TACC1: variants seen among roughly 807,000 people sequenced by gnomAD.
The protein encoded by TACC1 is transforming acidic coiled-coil-containing protein 1.
TACC1 carries 48 observed loss-of-function variants against 84.4 expected under a neutral mutation model. The ratio of observed to expected loss-of-function variants is 0.57; its 90% CI spans 0.45 to 0.72. The LOEUF (loss-of-function observed/expected upper bound fraction) is 0.72. TACC1 is among the 30% of genes least tolerant of loss of function. The pLI is 0.00. For synonymous variants in TACC1, 372 were observed against 376.3 expected, an observed-to-expected ratio of 0.99 and a Z score of 0.13; for missense variants, 920 against 973.0, an observed-to-expected ratio of 0.95 and a Z score of 0.72.
At position 38,836,373 on chromosome 8, in the gene TACC1, T is replaced by C. The variant is rs1488794771; in HGVS notation, c.1839+86T>C. On this transcript the variant is annotated intron_variant, in intron 7 of 12. Coordinates refer to ENST00000317827, the MANE Select transcript of TACC1 (RefSeq NM_006283.3). ...GCAGGTAGATTGCATCTCTGCTGGC[T>C]CAAGTTATCACAGGCTGGAAGTTCT... is the stretch of plus-strand genomic sequence containing the variant. 7 of 1,545,682 alleles carry C rather than the reference T, an allele frequency of 4.5e-6. No homozygotes were observed. In the African/African-American group the frequency reaches 8.2e-5, roughly 18 times the overall value.
rs947505294 is a variant in TACC1 at position 38,804,813 on chromosome 8, G to A, written c.278-14709G>A. ...AATCAGGGTCTCCCTGTGTTGTCCA[G>A]GCTGGTCTCAAACTCCTGGGCCCAA... On this transcript the variant is annotated intron_variant, in intron 2 of 12. Coordinates refer to ENST00000317827, the MANE Select transcript of TACC1 (RefSeq NM_006283.3). Among the ~76,000 whole-genome samples the A allele has an allele frequency of 1.1e-4, 17 of 152,244 alleles. No individual in the cohort carries two copies. In the South Asian group the frequency reaches 3.5e-3, roughly 32 times the overall value.
intron 5 of TACC1, 123 bp from the exon 6 acceptor site, chr8:38,831,002 T>C: frequency 1.2e-6 from 1 of 808,326 alleles, no homozygotes; most frequent in Admixed American, 2.6e-5. Context: ...AAATAAAATC[T>C]TAAAATGCTT....
chr8:38,807,040 G>A (rs1190354889), intron 2 of TACC1, among the ~76,000 whole-genome samples: 1 of 152,142 alleles, frequency 6.6e-6, no homozygotes, highest in African/African-American at 2.4e-5. Flanking sequence ...TTGTTATAAA[G>A]GATACAACTC....
rs540525229 is a variant in TACC1, at chr8:38,751,309, T to C, written c.26+5816T>C. On this transcript the variant is annotated intron_variant, in intron 3 of 14. Transcript: ENST00000518415. ...TGAGTATCTTCATCTTAAAATGGGA[T>C]GTGCAGTGTAAGGATTAAGGCAGTA... is the stretch of plus-strand genomic sequence containing the variant. Among the ~76,000 whole-genome samples the C allele has an allele frequency of 1.1e-4, 16 of 152,350 alleles. 1 individual carries two copies. In the South Asian group the frequency reaches 1.4e-3, roughly 14 times the overall value.
intron 3 of TACC1, among the ~76,000 whole-genome samples, chr8:38,746,537 T>C (rs187327198): frequency 6.6e-6 from 1 of 152,360 alleles, no homozygotes; most frequent in Non-Finnish European, 1.5e-5. Flanking sequence ...TGATATCATC[T>C]AACAAGTCTC....
At chr8:38,827,503 A>G in intron 5 of TACC1, 128 bp downstream of exon 5, 2 of 950,988 alleles carry the variant, frequency 2.1e-6, no homozygotes. Context: ...TAGGATGCTG[A>G]CCTATGCTTT....
intron 4 of TACC1, among the ~76,000 whole-genome samples, chr8:38,826,468 AAAT>A (rs1490404534): frequency 6.6e-6 from 1 of 152,254 alleles, no homozygotes; most frequent in Non-Finnish European, 1.5e-5. Context: ...AATATTTTGA[AAAT>A]AAGTTGTGCA....
intron 5 of TACC1, among the ~76,000 whole-genome samples, chr8:38,829,267 T>C (rs1219869344): frequency 1.3e-5 from 2 of 152,190 alleles, no homozygotes; most frequent in Non-Finnish European, 2.9e-5. Flanking sequence ...AGCAATTTAT[T>C]CCCCCTGGCC....
chr8:38,749,747 A>G (rs967915509), intron 3 of TACC1, among the ~76,000 whole-genome samples: 1 of 152,046 alleles, frequency 6.6e-6, no homozygotes, highest in African/African-American at 2.4e-5. Context: ...ACGCACAACC[A>G]CGCCTGGCTA....
At chr8:38,732,637 A>G (rs1391595981) in intron 1 of TACC1, among the ~76,000 whole-genome samples, 1 of 152,186 alleles carries the variant, frequency 6.6e-6, no homozygotes, top group African/African-American at 2.4e-5. Flanking sequence ...GCATTGTGCT[A>G]AGTGCTTCCC....
At chr8:38,815,171 A>G (rs570197298) in intron 2 of TACC1, among the ~76,000 whole-genome samples, 3 of 152,294 alleles carry the variant, frequency 2.0e-5, no homozygotes, top group South Asian at 2.1e-4. Context: ...AACCTCTTGT[A>G]TAGGGTTTTC....
chr8:38,779,746 C>A (rs1815556436), intron 3 of TACC1, among the ~76,000 whole-genome samples: 1 of 152,182 alleles, frequency 6.6e-6, no homozygotes. Context: ...AGGCCAGGAC[C>A]TTCTGAAACC....
intron 3 of TACC1, among the ~76,000 whole-genome samples, chr8:38,778,544 G>A (rs566568590): frequency 1.1e-3 from 170 of 152,302 alleles, no homozygotes; most frequent in Admixed American, 2.7e-3. Context: ...GGGCAGAGCT[G>A]AATTTACTAT....
At chr8:38,812,480 A>T (rs1824442384) in intron 2 of TACC1, among the ~76,000 whole-genome samples, 1 of 152,152 alleles carries the variant, frequency 6.6e-6, no homozygotes, top group Non-Finnish European at 1.5e-5. Context: ...GAAAGAACCT[A>T]CGTTGAAATA....
At chr8:38,788,599 G>A in intron 1 of TACC1, 105 bp from the exon 2 acceptor site, 1 of 909,348 alleles carries the variant, frequency 1.1e-6, no homozygotes, top group Non-Finnish European at 1.7e-6. Context: ...TGGTTGTGAA[G>A]TTAGACAAAA....
upstream of TACC1, among the ~76,000 whole-genome samples, chr8:38,786,730 C>T (rs1029690638): frequency 2.0e-5 from 3 of 151,828 alleles, no homozygotes; most frequent in Non-Finnish European, 2.9e-5. Context: ...TTTCAAATCC[C>T]GGGAATGCCA....
chr8:38,762,980 T>A (rs1044954671), intron 3 of TACC1, among the ~76,000 whole-genome samples: 2 of 152,218 alleles, frequency 1.3e-5, no homozygotes, highest in African/African-American at 4.8e-5. Flanking sequence ...CCCACTTCAC[T>A]TTTTGAGGAA....
intron 3 of TACC1, among the ~76,000 whole-genome samples, chr8:38,821,675 C>T (rs1826851839): frequency 6.6e-6 from 1 of 152,196 alleles, no homozygotes; most frequent in Non-Finnish European, 1.5e-5. Context: ...TACCTAAGGT[C>T]CTATTCCATA....
chr8:38,817,387 T>C (rs562198731), intron 2 of TACC1, among the ~76,000 whole-genome samples: 1 of 152,372 alleles, frequency 6.6e-6, no homozygotes, highest in Non-Finnish European at 1.5e-5. Context: ...AGTGAAATTG[T>C]CAGTACAGTT....
Sources: gnomAD v4.1 joint callset for allele counts (sites outside exome capture counted in the v4.1 genomes callset) on GRCh38, gnomAD v4.1.1 for gene constraint, MANE v1.5 for transcripts, NCBI Gene and HGNC (gene_info 2026-07-23, HGNC 2026-07-21) for gene names.